CACTIN: variants seen among roughly 807,000 people sequenced by gnomAD.
The protein encoded by CACTIN is cactin, spliceosome C complex subunit, also known as splicing factor Cactin.
A neutral mutation model predicts 84.9 loss-of-function variants in CACTIN; 20 were observed. The ratio of observed to expected loss-of-function variants is 0.24; its 90% CI spans 0.17 to 0.34. The LOEUF (loss-of-function observed/expected upper bound fraction) is 0.34. CACTIN is among the 10% of genes least tolerant of loss of function. CACTIN has a pLI of 1.00. For missense variants in CACTIN, 897 were observed against 1,117.2 expected, an observed-to-expected ratio of 0.80 and a Z score of 2.81; for synonymous variants, 549 against 467.9, an observed-to-expected ratio of 1.17 and a Z score of -2.24.
chr19:3,623,544 T>A (rs968458611), intron 2 of CACTIN, 144 bp downstream of exon 2: 90 of 702,046 alleles, frequency 1.3e-4, no homozygotes, highest in South Asian at 4.0e-4. Context: ...AGAAAGCTGA[T>A]AGCGGCAGAA....
Position 3,614,559 on chromosome 19 carries a change from ACGGAGGCGTTGACCC to A in CACTIN, c.1178_1192del (p.Gly393_Ser397del). The A allele has an allele frequency of 6.2e-7, 1 of 1,607,784 alleles. No homozygotes were observed. The highest frequency in any genetic ancestry group is 8.5e-7 in the Non-Finnish European group (1 of 1,177,362). On this transcript the variant is annotated inframe_deletion, in exon 7 of 10. Coordinates refer to ENST00000429344, the MANE Select transcript of CACTIN (RefSeq NM_001080543.2). ...GAACACCGACTGCACATCAGAGCTG[ACGGAGGCGTTGACCC>A]CCTCGCGGCGCTCACCTGCAGCGGG...
intron 6 of CACTIN, 187 bp from the exon 7 acceptor site, chr19:3,614,776 G>T: frequency 3.3e-6 from 2 of 613,690 alleles, no homozygotes; most frequent in Non-Finnish European, 5.8e-6. Context: ...GGAGGGGAGG[G>T]GGTGGGCGGA....
In CACTIN at chr19:3,610,772, T is replaced by C. The variant is rs1430765353; in HGVS notation, c.*1151A>G. ...AGAAACAAACGGAACTATTTCCAGA[T>C]GAGGCGGGGTGTCTGGGAGGGGCTG... is the stretch of plus-strand genomic sequence containing the variant. On this transcript the variant is annotated 3_prime_UTR_variant, in exon 10 of 10. Transcript: ENST00000429344. 8.8e-6 allele frequency: 4 copies of C among 456,998 alleles called. No homozygotes were observed. The highest frequency in any genetic ancestry group is 1.8e-5 in the Non-Finnish European group (4 of 227,028). The allele number at this position is 456,998 out of a possible 1,614,324, so 28.3% of individuals were successfully genotyped here.
chr19:3,620,532 C>T (rs1480136767), intron 3 of CACTIN, 175 bp downstream of exon 3: 9 of 660,094 alleles, frequency 1.4e-5, no homozygotes, highest in Non-Finnish European at 2.1e-5. Context: ...CCAGCAGAGC[C>T]GAGAGGTGGA....
In CACTIN at chr19:3,624,063, G is replaced by C. The variant is rs552324776; in HGVS notation, c.267C>G (p.Asp89Glu). 2.5e-6 allele frequency: 4 copies of C among 1,603,806 alleles called. No homozygotes were observed. The South Asian group carries it at 3.3e-5, about 13-fold the overall frequency. Residue 89 changes from aspartate to glutamate, a missense_variant, in exon 2 of 10, where the codon GAC (aspartate) becomes GAG (glutamate). By Grantham distance (45) the Asp-to-Glu change is conservative. Around this residue, in one of 8 missense-constraint regions of CACTIN, gnomAD observed 261 missense variants for 243.8 expected, o/e 1.07. Coordinates refer to ENST00000429344, the MANE Select transcript of CACTIN (RefSeq NM_001080543.2). ...GGCCCCGTGACTGCTCCTCTCCTGA[G>C]TCCGACTGAGAGGACCCATCTCTTG... ...WHSRDGSSQSDSGEEQSRGQW... is the reference protein window; with the variant it reads ...WHSRDGSSQSESGEEQSRGQW...
chr19:3,619,462 C>G (rs2033177931), intron 4 of CACTIN, among the ~76,000 whole-genome samples: 1 of 152,212 alleles, frequency 6.6e-6, no homozygotes, highest in Non-Finnish European at 1.5e-5. Flanking sequence ...AAAGTGCAAG[C>G]AGCGTGGACC....
intron 3 of CACTIN, 105 bp from the exon 4 acceptor site, chr19:3,620,377 G>T: frequency 7.7e-7 from 1 of 1,302,690 alleles, no homozygotes; most frequent in Non-Finnish European, 1.1e-6. Context: ...GCTGCCCTGG[G>T]CACAGGGATT....
rs1186061378 is a variant in CACTIN at position 3,620,701 on chromosome 19, G to A, written c.738+6C>T. 5.6e-6 allele frequency: 9 copies of A among 1,607,238 alleles called. No individual in the cohort carries two copies. Among genetic ancestry groups the A allele is most frequent in the African/African-American group, 1.3e-5 (1 of 74,876 alleles). On this transcript the variant is annotated splice_donor_region_variant and intron_variant, in intron 3 of 9. Transcript: ENST00000429344. The stretch of plus-strand genomic sequence containing the variant: ...GCCCTGCCCAGTGGGCTGGCAGGGT[G>A]CCTACCTTCTGCAGCTCCAGCCGGT...
Position 3,613,118 on chromosome 19 carries a change from G to C in CACTIN, c.1726C>G (p.Leu576Val). 2 of 1,605,030 alleles carry C rather than the reference G, an allele frequency of 1.2e-6. No homozygotes were observed. Among genetic ancestry groups the C allele is most frequent in the South Asian group, 1.1e-5 (1 of 90,920 alleles). ...CGCTGCAGGTCCTCATCCGGTTCCAGCACGTGCGCGTCCAGTGGCAGCTCG... is the reference window on the plus strand; with the variant it reads ...CGCTGCAGGTCCTCATCCGGTTCCACCACGTGCGCGTCCAGTGGCAGCTCG... ...AHELPLDAHV[L>V]EPDEDLQRLQ... Residue 576 changes from leucine (L) to valine (V), a missense_variant, in exon 9 of 10, where the codon CTG becomes GTG. Leu to Val is a conservative substitution (Grantham distance 32). Coordinates refer to ENST00000429344, the MANE Select transcript of CACTIN (RefSeq NM_001080543.2).
At chr19:3,624,249 G>T in intron 1 of CACTIN, 87 bp from the exon 2 acceptor site, 2 of 1,239,338 alleles carry the variant, frequency 1.6e-6, no homozygotes, top group Non-Finnish European at 2.2e-6. Flanking sequence ...GGGGGAGCAG[G>T]CACTGTTCTA....
At chr19:3,621,281 T>A (rs2033219312) in intron 2 of CACTIN, among the ~76,000 whole-genome samples, 1 of 152,198 alleles carries the variant, frequency 6.6e-6, no homozygotes, top group South Asian at 2.1e-4. Context: ...AGCAAACCTG[T>A]GGGGTCATGG....
intron 2 of CACTIN, 121 bp downstream of exon 2, chr19:3,623,567 G>C (rs183101097): frequency 2.2e-5 from 18 of 807,222 alleles, no homozygotes; most frequent in Non-Finnish European, 3.5e-5. Flanking sequence ...TTGCTTATGC[G>C]TGTGTGTGTA....
intron 7 of CACTIN, chr19:3,613,936 A>G (rs2033043541): frequency 2.3e-6 from 1 of 427,258 alleles, no homozygotes. Context: ...AAATTAGCAG[A>G]GGAGACATGT....
Position 3,626,750 on chromosome 19 carries a change from T to A in CACTIN, c.13A>T (p.Thr5Ser), listed in dbSNP as rs775674838. The A allele has an allele frequency of 4.1e-6, 6 of 1,450,674 alleles. No homozygotes were observed. In the South Asian group the frequency reaches 8.2e-5, roughly 20 times the overall value. 89.9% of individuals were successfully genotyped at this position (1,450,674 alleles called of 1,614,324 possible). A position where few individuals can be genotyped will look rare whatever the true frequency, so the allele number is the denominator to read the frequency against. Reference sequence around the variant, plus strand: ...CCCGCGGACCGCGAGCGCGAGCGTGTGTCCCGACCCATCGGCTGGGCCAGT... The same window carrying A: ...CCCGCGGACCGCGAGCGCGAGCGTGAGTCCCGACCCATCGGCTGGGCCAGT... MGRDTRSRSRSAGRR... is the reference protein window; with the variant it reads MGRDSRSRSRSAGRR... Residue 5 changes from threonine (T) to serine (S), a missense_variant, in exon 1 of 10, where the codon ACA becomes TCA. Thr to Ser is a moderately conservative substitution (Grantham distance 58, BLOSUM62 1). Transcript: ENST00000429344.
chr19:3,614,615 G>T lies in CACTIN; in HGVS notation c.1163-26C>A, dbSNP rs1339518322. On this transcript the variant is annotated intron_variant, in intron 6 of 9. Transcript: ENST00000429344. ...CTGCAGCGGGGTGGGGGCATGGGGGGGCGGTTCCACATTTCCTACGTGCTC... is the reference window on the plus strand; with the variant it reads ...CTGCAGCGGGGTGGGGGCATGGGGGTGCGGTTCCACATTTCCTACGTGCTC... 6 of 1,570,594 alleles carry T rather than the reference G, an allele frequency of 3.8e-6. No individual in the cohort carries two copies. The African/African-American group carries it at 4.1e-5, about 11-fold the overall frequency.
In CACTIN at chr19:3,619,801, G is replaced by A. The variant is rs543918806; in HGVS notation, c.884+326C>T. Among the ~76,000 whole-genome samples the A allele has an allele frequency of 1.9e-3, 287 of 152,276 alleles. 4 individuals are homozygous for A. The highest frequency in any genetic ancestry group is 6.8e-3 in the African/African-American group (282 of 41,558). ...GGCCCAAGGCAAGCAGGGACACCCCGGAGCCTCAGCTTGTCTGTAAACCAG... is the reference window on the plus strand; with the variant it reads ...GGCCCAAGGCAAGCAGGGACACCCCAGAGCCTCAGCTTGTCTGTAAACCAG... On this transcript the variant is annotated intron_variant, in intron 4 of 9. Coordinates refer to ENST00000429344, the MANE Select transcript of CACTIN (RefSeq NM_001080543.2).
In CACTIN at chr19:3,616,358, C is replaced by T. The variant is rs2033106461; in HGVS notation, c.1163-1769G>A. 3 of 152,270 alleles carry T rather than the reference C, an allele frequency of 2.0e-5. No homozygotes were observed. In the South Asian group the frequency reaches 6.2e-4, roughly 32 times the overall value. The allele number at this position is 152,270 out of a possible 1,614,324, so 9.4% of individuals were successfully genotyped here. ...GGGCACGATGGCTCACGCCTGTAAT[C>T]CCAGCACTTTTGGAGGCTGAGGTGG... On this transcript the variant is annotated intron_variant, in intron 6 of 9. Coordinates refer to ENST00000429344, the MANE Select transcript of CACTIN (RefSeq NM_001080543.2).
At chr19:3,626,571 A>AG (rs2033339765) in intron 1 of CACTIN, 25 bp downstream of exon 1, 3 of 1,404,808 alleles carry the variant, frequency 2.1e-6, no homozygotes, top group Non-Finnish European at 2.8e-6. Context: ...CCGGATCCCC[A>AG]GCGCTGCTCC....
intron 7 of CACTIN, among the ~76,000 whole-genome samples, 171 bp downstream of exon 7, chr19:3,614,226 G>A (rs905539090): frequency 4.6e-5 from 7 of 152,086 alleles, no homozygotes; most frequent in Non-Finnish European, 7.4e-5. Flanking sequence ...GCGCCCCCCG[G>A]CCCCCCTTCG....
Sources: allele counts gnomAD v4.1 joint callset (sites outside exome capture counted in the v4.1 genomes callset), GRCh38; gene constraint gnomAD v4.1.1; regional missense constraint gnomAD v4.1.1; transcripts MANE v1.5; gene names NCBI Gene and HGNC (gene_info 2026-07-23, HGNC 2026-07-21).